SUPT6H: variants seen among roughly 807,000 people sequenced by gnomAD.
SUPT6H encodes SPT6 homolog, histone chaperone and transcription elongation factor.
In SUPT6H, 11 loss-of-function variants were observed where a neutral mutation model predicts 222.3. That is an observed-to-expected ratio of 0.05 (90% CI 0.03 to 0.08). The LOEUF is 0.08. SUPT6H is among the 10% of genes least tolerant of loss of function. The pLI, the probability that SUPT6H is intolerant of heterozygous loss-of-function variation, is 1.00. For synonymous variants in SUPT6H, 762 were observed against 801.2 expected (o/e 0.95, Z 0.83); for missense variants, 1,422 against 2,216.0 (o/e 0.64, Z 7.19).
intron 26 of SUPT6H, among the ~76,000 whole-genome samples, 164 bp from the exon 27 acceptor site, chr17:28,690,757 G>T (rs1022696493): frequency 6.6e-6 from 1 of 152,208 alleles, no homozygotes; most frequent in Non-Finnish European, 1.5e-5. Flanking sequence ...CTGGGCAACA[G>T]AGCAAGACTT....
chr17:28,697,202 C>A (rs748277252), intron 30 of SUPT6H, 120 bp downstream of exon 30: 2 of 776,608 alleles, frequency 2.6e-6, no homozygotes, highest in Non-Finnish European at 2.1e-6. Flanking sequence ...TGCACAGCAA[C>A]AAAACGGGAG....
Position 28,688,125 on chromosome 17 carries a change from G to A in SUPT6H, c.3041G>A (p.Arg1014Gln). 2 of 1,613,112 alleles carry A rather than the reference G, an allele frequency of 1.2e-6. No individual in the cohort carries two copies. The highest frequency in any genetic ancestry group is 1.7e-6 in the Non-Finnish European group (2 of 1,179,528). The change falls in exon 24 of 37, where the codon CGG becomes CAG. Residue 1014 changes from arginine to glutamine, a missense_variant. Coordinates refer to ENST00000314616, the MANE Select transcript of SUPT6H (RefSeq NM_003170.5). This position sits in a 1 kb window ranked among gnomAD's most constrained non-coding sequence, Gnocchi z 4.3. The part of the protein sequence containing the change: ...LKQNNTRLES[R>Q]TQLVTMCHMG... ...CAGAACAACACCCGGCTCGAGAGCC[G>A]GACCCAGCTGGTCACCATGTGCCAC...
intron 36 of SUPT6H, 129 bp from the exon 37 acceptor site, chr17:28,701,310 G>C (rs1207755451): frequency 1.4e-6 from 2 of 1,392,878 alleles, no homozygotes; most frequent in Non-Finnish European, 1.9e-6. Context: ...AGCTGCTGCT[G>C]TATCTGCCTT....
chr17:28,681,782 C>T lies in SUPT6H; in HGVS notation c.1499-100C>T, dbSNP rs557189413. 1.8e-5 allele frequency: 18 copies of T among 991,456 alleles called. No individual in the cohort carries two copies. In the Admixed American group the frequency reaches 2.2e-4, roughly 12 times the overall value. The allele number at this position is 991,456 out of a possible 1,614,324, so 61.4% of individuals were successfully genotyped here. The stretch of plus-strand genomic sequence containing the variant: ...ACAGCCCATGGCATCTTGAAGGAGG[C>T]CCTTGGCTGGGTACCCTTTGAGGCT... On this transcript the variant is annotated intron_variant, in intron 12 of 36. Coordinates refer to ENST00000314616, the MANE Select transcript of SUPT6H (RefSeq NM_003170.5).
At chr17:28,680,454 C>T (rs1288049750) in intron 11 of SUPT6H, among the ~76,000 whole-genome samples, 5 of 151,230 alleles carry the variant, frequency 3.3e-5, no homozygotes, top group South Asian at 4.2e-4. Context: ...AAAAATTAGT[C>T]GGGTGTGGTG....
Position 28,687,242 on chromosome 17 carries a change from A to C in SUPT6H, c.2838+17A>C, listed in dbSNP as rs765710928. Reference sequence around the variant, plus strand: ...CCCTTGCAGGTGAGTAGGATTTGACAGGCAGGCTCGGGTGAAGGGAAAGGC... The same window carrying C: ...CCCTTGCAGGTGAGTAGGATTTGACCGGCAGGCTCGGGTGAAGGGAAAGGC... On this transcript the variant is annotated intron_variant, in intron 22 of 36. Transcript: ENST00000314616. 37 of 1,614,062 alleles carry C rather than the reference A, an allele frequency of 2.3e-5. No individual in the cohort carries two copies. The highest frequency in any genetic ancestry group is 2.9e-5 in the Non-Finnish European group (34 of 1,180,034).
At chr17:28,687,253 G>A (rs766892936) in intron 22 of SUPT6H, 28 bp downstream of exon 22, 3 of 1,614,154 alleles carry the variant, frequency 1.9e-6, no homozygotes, top group Non-Finnish European at 2.5e-6. Context: ...GGCAGGCTCG[G>A]GTGAAGGGAA....
chr17:28,701,861 G>C lies in SUPT6H; in HGVS notation c.*236G>C. The stretch of plus-strand genomic sequence containing the variant: ...CACCGACCACCTGTCCTGGGACCAG[G>C]CTGGGAGGGGAGTGTGGCAGGGAGG... On this transcript the variant is annotated 3_prime_UTR_variant, in exon 37 of 37. Coordinates refer to ENST00000314616, the MANE Select transcript of SUPT6H (RefSeq NM_003170.5). 1 of 518,280 alleles carries C rather than the reference G, an allele frequency of 1.9e-6. No homozygotes were observed. The highest frequency in any genetic ancestry group is 3.4e-6 in the Non-Finnish European group (1 of 291,844). 32.1% of individuals were successfully genotyped at this position (518,280 alleles called of 1,614,324 possible).
At position 28,667,405 on chromosome 17, in the gene SUPT6H, G is replaced by GTGTATA. The variant is rs1465539733; in HGVS notation, c.-32+5064_-32+5065insGTATAT. Among the ~76,000 whole-genome samples the GTGTATA allele has an allele frequency of 5.4e-3, 264 of 49,316 alleles. 6 individuals are homozygous for GTGTATA. The highest frequency in any genetic ancestry group is 4.8e-3 in the Admixed American group (12 of 2,504). 32.4% of individuals were successfully genotyped at this position (49,316 alleles called of 152,430 possible). A position where few individuals can be genotyped will look rare whatever the true frequency, so the allele number is the denominator to read the frequency against. Reference sequence around the variant, plus strand: ...AAAAAAAAAAAAAAAGTGTGTGTGTGTATATATATATATATATATATATAT... The same window carrying GTGTATA: ...AAAAAAAAAAAAAAAGTGTGTGTGTGTGTATATATATATATATATATATATATATAT... On this transcript the variant is annotated intron_variant, in intron 1 of 36. Transcript: ENST00000314616.
intron 17 of SUPT6H, among the ~76,000 whole-genome samples, chr17:28,684,107 C>T (rs2031261832): frequency 6.6e-6 from 1 of 151,992 alleles, no homozygotes; most frequent in African/African-American, 2.4e-5. Flanking sequence ...CATGATCTGC[C>T]CACCTTGGCC....
rs1207022845 is a variant in SUPT6H, at chr17:28,683,744, G to T, written c.2157G>T (p.Gln719His). 1 of 1,614,044 alleles carries T rather than the reference G, an allele frequency of 6.2e-7. No individual in the cohort carries two copies. The highest frequency in any genetic ancestry group is 8.5e-7 in the Non-Finnish European group (1 of 1,180,046). ...TGGCCATCGAACGGGCTTTACAGCA[G>T]TTCCTCTATGTGCAGATGGCCAAAG... is the stretch of plus-strand genomic sequence containing the variant. Reference protein sequence around the residue: ...RTMAIERALQQFLYVQMAKEL... With the variant: ...RTMAIERALQHFLYVQMAKEL... The change falls in exon 17 of 37, where the codon CAG becomes CAT. Residue 719 changes from glutamine (Q) to histidine (H), a missense_variant. Transcript: ENST00000314616.
intron 36 of SUPT6H, 129 bp from the exon 37 acceptor site, chr17:28,701,310 G>A (rs1207755451): frequency 1.4e-6 from 2 of 1,392,996 alleles, no homozygotes; most frequent in Non-Finnish European, 1.9e-6. Context: ...AGCTGCTGCT[G>A]TATCTGCCTT....
intron 19 of SUPT6H, among the ~76,000 whole-genome samples, 197 bp from the exon 20 acceptor site, chr17:28,686,142 T>C (rs1227853951): frequency 2.0e-5 from 3 of 152,204 alleles, no homozygotes; most frequent in Non-Finnish European, 4.4e-5. Flanking sequence ...AGCGCAGTTC[T>C]AGTCAGTGGA....
intron 1 of SUPT6H, among the ~76,000 whole-genome samples, chr17:28,667,403 G>GTATATATATATATATA (rs1432342239): frequency 4.0e-4 from 17 of 42,348 alleles, no homozygotes; most frequent in Non-Finnish European, 5.8e-4. Flanking sequence ...AAGTGTGTGT[G>GTATATATATATATATA]TGTATATATA....
rs1052771954 is a variant in SUPT6H at position 28,678,429 on chromosome 17, G to C, written c.1117-116G>C. On this transcript the variant is annotated intron_variant, in intron 9 of 36. Coordinates refer to ENST00000314616, the MANE Select transcript of SUPT6H (RefSeq NM_003170.5). The stretch of plus-strand genomic sequence containing the variant: ...CTGGAAGGGCTGTGAGGGAGGCCAG[G>C]CTTCTGACTGTTGAATTTCCTGGAG... The C allele has an allele frequency of 3.7e-6, 4 of 1,082,128 alleles. No individual in the cohort carries two copies. The Admixed American group carries it at 6.1e-5, about 16-fold the overall frequency. 67.0% of individuals were successfully genotyped at this position (1,082,128 alleles called of 1,614,324 possible).
At position 28,673,497 on chromosome 17, in the gene SUPT6H, AGAG is replaced by A; in HGVS notation, c.102_104del (p.Glu34del). Reference sequence around the variant, plus strand: ...CCCGAGTCACCAAGAAATTTGTGGAAGAGGAGGATGATGGTGAGGAGGCCCCAG... The same window carrying A: ...CCCGAGTCACCAAGAAATTTGTGGAAGAGGATGATGGTGAGGAGGCCCCAG... On this transcript the variant is annotated inframe_deletion, in exon 2 of 37. Coordinates refer to ENST00000314616, the MANE Select transcript of SUPT6H (RefSeq NM_003170.5). The A allele has an allele frequency of 6.2e-7, 1 of 1,612,808 alleles. No homozygotes were observed. Among genetic ancestry groups the A allele is most frequent in the Non-Finnish European group, 8.5e-7 (1 of 1,179,566 alleles).
At position 28,687,298 on chromosome 17, in the gene SUPT6H, C is replaced by A; in HGVS notation, c.2839-6C>A. The A allele has an allele frequency of 6.2e-7, 1 of 1,614,154 alleles. No individual in the cohort carries two copies. Among genetic ancestry groups the A allele is most frequent in the Non-Finnish European group, 8.5e-7 (1 of 1,180,030 alleles). On this transcript the variant is annotated splice_polypyrimidine_tract_variant and splice_region_variant and intron_variant, in intron 22 of 36. Coordinates refer to ENST00000314616, the MANE Select transcript of SUPT6H (RefSeq NM_003170.5). ...AACCTTACTCCTGCCTGCTGAATGT[C>A]CACAGGAGCATGTGGTGAAAGAGGA...
chr17:28,684,880 A>C lies in SUPT6H; in HGVS notation c.2406A>C (p.Glu802Asp), dbSNP rs1188486238. 1 of 1,614,218 alleles carries C rather than the reference A, an allele frequency of 6.2e-7. No homozygotes were observed. Among genetic ancestry groups the C allele is most frequent in the African/African-American group, 1.3e-5 (1 of 75,056 alleles). ...HPVFCALVNG[E>D]GEVTDFLRLP... ...TGTTCTGCGCCCTGGTCAATGGTGA[A>C]GGAGAAGTGACAGACTTCCTTCGAC... Residue 802 changes from glutamate to aspartate, a missense_variant, in exon 19 of 37, where the codon GAA becomes GAC. Coordinates refer to ENST00000314616, the MANE Select transcript of SUPT6H (RefSeq NM_003170.5).
chr17:28,687,066 G>C (rs774592417), intron 21 of SUPT6H, 22 bp from the exon 22 acceptor site: 1 of 1,610,970 alleles, frequency 6.2e-7, no homozygotes, highest in Non-Finnish European at 8.5e-7. Context: ...TTAAGGCCCT[G>C]CTGACCCTCG....
Sources: allele counts gnomAD v4.1 joint callset (sites outside exome capture counted in the v4.1 genomes callset), GRCh38; gene constraint gnomAD v4.1.1; non-coding constraint Gnocchi (gnomAD v3.1); transcripts MANE v1.5; gene names NCBI Gene and HGNC (gene_info 2026-07-23, HGNC 2026-07-21).